Variants in NCOA2 observed in about 807,000 individuals in gnomAD.
NCOA2 encodes class E basic helix-loop-helix protein 75.
In NCOA2, 21 loss-of-function variants were observed where a neutral mutation model predicts 145.1. The observed-to-expected ratio is 0.14, with a 90% CI of 0.10 to 0.21. The LOEUF is 0.21. Among genes scored for constraint, NCOA2 ranks in the 10% least tolerant of loss-of-function variants. The pLI, the probability that NCOA2 is intolerant of heterozygous loss-of-function variation, is 1.00. For synonymous variants in NCOA2, 619 were observed against 637.5 expected (o/e 0.97, Z 0.44); for missense variants, 1,472 against 1,837.6 (o/e 0.80, Z 3.64).
chr8:70,441,473 G>C, the NCOA2 span, among the ~76,000 whole-genome samples: 1 of 142,694 alleles, frequency 7.0e-6, no homozygotes, highest in East Asian at 2.1e-4. Flanking sequence ...AAGAGAGAGG[G>C]AGAACAAGCA....
chr8:70,247,209 G>A (rs781358047), intron 2 of NCOA2, among the ~76,000 whole-genome samples: 9 of 152,168 alleles, frequency 5.9e-5, no homozygotes, highest in African/African-American at 9.7e-5. Flanking sequence ...GAAATGATTA[G>A]TGAGGTGTCA....
At chr8:70,450,350 C>G in the NCOA2 span, among the ~76,000 whole-genome samples, 1 of 152,184 alleles carries the variant, frequency 6.6e-6, no homozygotes, top group Non-Finnish European at 1.5e-5. Context: ...GACTCCTGAA[C>G]ACTAACTAGC....
the NCOA2 span, among the ~76,000 whole-genome samples, chr8:70,431,123 A>C: frequency 2.0e-5 from 3 of 152,154 alleles, no homozygotes; most frequent in Non-Finnish European, 4.4e-5. Context: ...TATGCAGATA[A>C]GTAAAGACTG....
At chr8:70,119,835 A>G (rs182572968) in intron 22 of NCOA2, among the ~76,000 whole-genome samples, 1 of 150,148 alleles carries the variant, frequency 6.7e-6, no homozygotes, top group East Asian at 1.9e-4. Context: ...GGCCACCTGT[A>G]CATTTTCTTT....
intron 2 of NCOA2, among the ~76,000 whole-genome samples, chr8:70,245,981 T>C (rs763097391): frequency 2.2e-4 from 33 of 152,144 alleles, no homozygotes; most frequent in Non-Finnish European, 3.8e-4. Context: ...TTGTTAAGAA[T>C]ATATCCTTAT....
At chr8:70,118,485 C>T (rs1004402697) in intron 22 of NCOA2, among the ~76,000 whole-genome samples, 2 of 152,144 alleles carry the variant, frequency 1.3e-5, no homozygotes, top group African/African-American at 4.8e-5. Context: ...CACCAACAGC[C>T]AGCACCTCTG....
intron 2 of NCOA2, among the ~76,000 whole-genome samples, chr8:70,261,427 A>T (rs1433930803): frequency 6.6e-6 from 1 of 152,028 alleles, no homozygotes; most frequent in Non-Finnish European, 1.5e-5. Context: ...CAGGAAGGGG[A>T]ACATCACACT....
At chr8:70,298,553 A>C (rs777993693) in intron 1 of NCOA2, among the ~76,000 whole-genome samples, 2 of 152,246 alleles carry the variant, frequency 1.3e-5, no homozygotes, top group African/African-American at 4.8e-5. Flanking sequence ...ACTGGGATAA[A>C]TGTATTCATT....
chr8:70,197,965 ATTT>A (rs956294951), intron 4 of NCOA2, among the ~76,000 whole-genome samples: 2 of 151,182 alleles, frequency 1.3e-5, no homozygotes, highest in Admixed American at 6.6e-5. Flanking sequence ...TGCCCATTTA[ATTT>A]TTTTTTATTT....
intron 1 of NCOA2, 24 bp downstream of exon 1, chr8:70,403,676 G>C (rs1814606634): frequency 5.2e-6 from 2 of 382,264 alleles, no homozygotes; most frequent in Non-Finnish European, 9.3e-6. Flanking sequence ...CCGCCCTCGC[G>C]GCCCCGGGGG....
chr8:70,289,714 C>T (rs1171977403), intron 2 of NCOA2, among the ~76,000 whole-genome samples: 1 of 152,154 alleles, frequency 6.6e-6, no homozygotes, highest in African/African-American at 2.4e-5. Context: ...AGTGGCACCA[C>T]AAAAGCAACC....
At chr8:70,173,476 C>A (rs1814474581) in intron 5 of NCOA2, among the ~76,000 whole-genome samples, 1 of 152,154 alleles carries the variant, frequency 6.6e-6, no homozygotes, top group African/African-American at 2.4e-5. Context: ...TCTAAATGGT[C>A]CACCTAGTTA....
Position 70,113,525 on chromosome 8 carries a change from G to A in NCOA2, c.*107C>T, listed in dbSNP as rs954630795. 1.2e-5 allele frequency: 16 copies of A among 1,324,494 alleles called. 1 individual carries two copies. Among genetic ancestry groups the A allele is most frequent in the South Asian group, 6.3e-5 (5 of 79,198 alleles). 82.0% of individuals were successfully genotyped at this position (1,324,494 alleles called of 1,614,324 possible). ...CAGGCCTGTCTGCTCTAGCAGAACC[G>A]GCTGGCAGGTCAGTTGGGTTGAAAC... On this transcript the variant is annotated 3_prime_UTR_variant, in exon 23 of 23. Transcript: ENST00000452400.
chr8:70,441,407 AG>A, the NCOA2 span, among the ~76,000 whole-genome samples: 43 of 113,580 alleles, frequency 3.8e-4, no homozygotes, highest in African/African-American at 1.3e-3. Flanking sequence ...AGAAAAGAAG[AG>A]AGAAAGAAAA....
At chr8:70,408,410 T>C (rs981475214), upstream of NCOA2, among the ~76,000 whole-genome samples, 3 of 152,136 alleles carry the variant, frequency 2.0e-5, no homozygotes, top group Non-Finnish European at 4.4e-5. Context: ...AAAAGCATTT[T>C]AAAAATCAAA....
rs571234163 is a variant in NCOA2 at position 70,222,910 on chromosome 8, A to G, written c.-19-6146T>C. ...ATGTCTAGTCTGACATCAGTGGCAC[A>G]TGATGGCTTCTACTTTCTAAATTCT... On this transcript the variant is annotated intron_variant, in intron 2 of 22. Transcript: ENST00000452400. Among the ~76,000 whole-genome samples, 13 of 152,320 alleles carry G rather than the reference A, an allele frequency of 8.5e-5. No individual in the cohort carries two copies. In the East Asian group the frequency reaches 2.3e-3, roughly 27 times the overall value.
At chr8:70,420,509 G>A in the NCOA2 span, among the ~76,000 whole-genome samples, 42 of 152,324 alleles carry the variant, frequency 2.8e-4, no homozygotes, top group Non-Finnish European at 5.3e-4. Flanking sequence ...TAAGGGGCAT[G>A]AAAATAAAGC....
chr8:70,445,627 T>G, the NCOA2 span, among the ~76,000 whole-genome samples: 1 of 152,214 alleles, frequency 6.6e-6, no homozygotes, highest in Admixed American at 6.5e-5. Flanking sequence ...CCACACTCAT[T>G]ATAATATCTG....
intron 22 of NCOA2, among the ~76,000 whole-genome samples, chr8:70,118,229 A>G (rs2131273409): frequency 6.6e-6 from 1 of 152,342 alleles, no homozygotes; most frequent in South Asian, 2.1e-4. Context: ...CCATAGAGAT[A>G]TGATACGCTC....
Sources: gnomAD v4.1 joint callset for allele counts (sites outside exome capture counted in the v4.1 genomes callset) on GRCh38, gnomAD v4.1.1 for gene constraint, MANE v1.5 for transcripts, NCBI Gene and HGNC (gene_info 2026-07-23, HGNC 2026-07-21) for gene names.